LDLRAD4: variants seen among roughly 807,000 people sequenced by gnomAD.
The protein encoded by LDLRAD4 is low density lipoprotein receptor class A domain containing 4, also known as low-density lipoprotein receptor class A domain-containing protein 4.
Under a neutral mutation model 17.0 loss-of-function variants are expected in LDLRAD4, and 5 were observed. The observed-to-expected ratio is 0.29, with a 90% CI of 0.15 to 0.62. The LOEUF is 0.62. Ranked by LOEUF, LDLRAD4 falls within the 20% of genes least tolerant of loss-of-function variation. The pLI is 0.84. For missense variants in LDLRAD4, 340 were observed against 424.7 expected (o/e 0.80, Z 1.75); for synonymous variants, 168 against 171.8 (o/e 0.98, Z 0.17).
At chr18:13,638,687 C>T (rs576205928) in intron 4 of LDLRAD4, among the ~76,000 whole-genome samples, 8 of 152,286 alleles carry the variant, frequency 5.3e-5, no homozygotes, top group East Asian at 3.9e-4. Context: ...TTGAGAGTAA[C>T]GTAACTTAAA....
chr18:13,531,556 C>T (rs1324248008), intron 3 of LDLRAD4, among the ~76,000 whole-genome samples: 9 of 149,122 alleles, frequency 6.0e-5, no homozygotes, highest in South Asian at 2.1e-4. Context: ...CACCACTGCA[C>T]GCTAGCTTAG....
At chr18:13,465,562 G>A (rs567480797) in intron 3 of LDLRAD4, among the ~76,000 whole-genome samples, 48 of 152,288 alleles carry the variant, frequency 3.2e-4, no homozygotes, top group African/African-American at 6.7e-4. Flanking sequence ...TGGAGTCTAC[G>A]ACCTTGCCCT....
chr18:13,480,982 T>G (rs2093068817), intron 3 of LDLRAD4, among the ~76,000 whole-genome samples: 2 of 152,186 alleles, frequency 1.3e-5, no homozygotes, highest in Non-Finnish European at 2.9e-5. Flanking sequence ...AAGTCCAGCA[T>G]TCTGGCCTGA....
intron 1 of LDLRAD4, among the ~76,000 whole-genome samples, chr18:13,231,513 A>G (rs569467836): frequency 1.3e-5 from 2 of 152,328 alleles, no homozygotes; most frequent in South Asian, 4.1e-4. Context: ...TGGTAAAGAA[A>G]AACAAGCCCA....
chr18:13,569,369 C>CTT (rs2094653390), intron 3 of LDLRAD4, among the ~76,000 whole-genome samples: 1 of 152,210 alleles, frequency 6.6e-6, no homozygotes, highest in Non-Finnish European at 1.5e-5. Context: ...TATAGAAAAA[C>CTT]TTTTTTTCAG....
chr18:13,372,259 G>A (rs2084573700), intron 1 of LDLRAD4, among the ~76,000 whole-genome samples: 1 of 152,190 alleles, frequency 6.6e-6, no homozygotes, highest in South Asian at 2.1e-4. Context: ...GGGCAGACCT[G>A]GAGGTTGTTC....
In LDLRAD4 at chr18:13,226,697, C is replaced by T. The variant is rs984624911; in HGVS notation, c.-467+7709C>T. 8.6e-5 allele frequency among the ~76,000 whole-genome samples: 11 copies of T among 127,244 alleles called. No homozygotes were observed. The East Asian group carries it at 2.2e-3, about 26-fold the overall frequency. The allele number at this position is 127,244 out of a possible 152,430, so 83.5% of individuals were successfully genotyped here. On this transcript the variant is annotated intron_variant, in intron 1 of 5. Transcript: ENST00000399848. Reference sequence around the variant, plus strand: ...CAGTAGGTGGGGTAAGACCTTTGTGCTTTTTAAAATTTGAATAAAATAAAA... The same window carrying T: ...CAGTAGGTGGGGTAAGACCTTTGTGTTTTTTAAAATTTGAATAAAATAAAA...
intron 2 of LDLRAD4, among the ~76,000 whole-genome samples, chr18:13,436,479 G>A (rs961424776): frequency 6.6e-5 from 10 of 152,218 alleles, no homozygotes; most frequent in Non-Finnish European, 1.5e-4. Context: ...GAACTTTTTA[G>A]TTAAGAGTTT....
At chr18:13,603,344 C>T (rs1272067928) in intron 3 of LDLRAD4, among the ~76,000 whole-genome samples, 2 of 152,190 alleles carry the variant, frequency 1.3e-5, no homozygotes, top group African/African-American at 2.4e-5. Flanking sequence ...ATTCATTCCT[C>T]GAGCCTTTTA....
intron 3 of LDLRAD4, among the ~76,000 whole-genome samples, chr18:13,542,089 A>AG (rs1601234268): frequency 6.6e-6 from 1 of 152,144 alleles, no homozygotes; most frequent in African/African-American, 2.4e-5. Flanking sequence ...AAAAGGAAAA[A>AG]GGTCACTCTC....
chr18:13,219,361 T>C (rs2041321520), intron 1 of LDLRAD4, among the ~76,000 whole-genome samples: 1 of 152,222 alleles, frequency 6.6e-6, no homozygotes. Context: ...ATTTTTTAAT[T>C]AGCTAGAATT....
chr18:13,429,875 C>T (rs1352013791), intron 2 of LDLRAD4, among the ~76,000 whole-genome samples: 1 of 152,178 alleles, frequency 6.6e-6, no homozygotes, highest in Non-Finnish European at 1.5e-5. Flanking sequence ...AGTCCAGGCA[C>T]CTCACTTTAT....
intron 3 of LDLRAD4, chr18:13,521,627 T>C (rs1406130195): frequency 1.3e-5 from 2 of 152,018 alleles, no homozygotes; most frequent in Non-Finnish European, 2.9e-5. Flanking sequence ...AAGGGAGCAG[T>C]TGCTGCATTT....
intron 3 of LDLRAD4, among the ~76,000 whole-genome samples, chr18:13,540,585 A>G (rs1317933905): frequency 6.6e-6 from 1 of 152,140 alleles, no homozygotes; most frequent in East Asian, 1.9e-4. Context: ...CTTTTCAGAG[A>G]GTTCCGTGGG....
At chr18:13,643,232 C>A (rs912749084) in intron 4 of LDLRAD4, 127 bp from the exon 6 acceptor site, 13 of 581,694 alleles carry the variant, frequency 2.2e-5, no homozygotes, top group Admixed American at 2.2e-4. Context: ...TGGCGCCCGG[C>A]CTCGCTCCAC....
At chr18:13,531,677 A>G (rs1200662089) in intron 3 of LDLRAD4, among the ~76,000 whole-genome samples, 1 of 149,316 alleles carries the variant, frequency 6.7e-6, no homozygotes, top group African/African-American at 2.5e-5. Flanking sequence ...AGGTAGGAGG[A>G]AGGCACAATT....
intron 3 of LDLRAD4, among the ~76,000 whole-genome samples, chr18:13,497,253 T>C (rs2093488657): frequency 6.6e-6 from 1 of 152,206 alleles, no homozygotes. Context: ...CACAGCTCCC[T>C]GCAGTCTTGA....
chr18:13,650,225 C>T, exon 6 of LDLRAD4: 1 of 403,900 alleles, frequency 2.5e-6, no homozygotes, highest in Non-Finnish European at 4.4e-6. Context: ...GTTTATGTTA[C>T]TGCCAGGGTC....
At chr18:13,326,778 T>A (rs1481902945) in intron 1 of LDLRAD4, among the ~76,000 whole-genome samples, 5 of 152,024 alleles carry the variant, frequency 3.3e-5, no homozygotes, top group Non-Finnish European at 5.9e-5. Context: ...CCGAGCTTTT[T>A]TTTTTTGTGA....
Sources: gnomAD v4.1 joint callset for allele counts (sites outside exome capture counted in the v4.1 genomes callset) on GRCh38, gnomAD v4.1.1 for gene constraint, MANE v1.5 for transcripts, NCBI Gene and HGNC (gene_info 2026-07-23, HGNC 2026-07-21) for gene names.